The following NRG3 variants were observed in gnomAD, a reference collection of about 807,000 sequenced individuals.
NRG3 encodes pro-neuregulin-3, membrane-bound isoform.
NRG3 carries 31 observed loss-of-function variants against 66.9 expected under a neutral mutation model. The observed-to-expected ratio is 0.46, with a 90% confidence interval of 0.35 to 0.63. The LOEUF (loss-of-function observed/expected upper bound fraction) is 0.63. Ranked by LOEUF, NRG3 falls within the 20% of genes least tolerant of loss-of-function variation. The probability of loss-of-function intolerance (pLI) is 0.00; values close to 1 mark genes in which losing one functional copy is unlikely to be tolerated. For missense variants in NRG3, 910 were observed against 878.9 expected (o/e 1.04, Z -0.45); for synonymous variants, 393 against 359.4 (o/e 1.09, Z -1.06).
Position 82,083,846 on chromosome 10 carries a change from A to C in NRG3, c.823+207683A>C, listed in dbSNP as rs561899549. 1.1e-4 allele frequency among the ~76,000 whole-genome samples: 17 copies of C among 150,588 alleles called. No individual in the cohort carries two copies. The East Asian group carries it at 3.2e-3, about 29-fold the overall frequency. On this transcript the variant is annotated intron_variant, in intron 1 of 8. Coordinates refer to ENST00000372141, the MANE Select transcript of NRG3 (RefSeq NM_001010848.4). ...TGGTCAGGCTGGTCTCAAACTCCCG[A>C]CCTCAGGTGATCCACCTGCCTTGGC...
chr10:82,778,128 C>T (rs560356543), intron 3 of NRG3, among the ~76,000 whole-genome samples: 8 of 151,996 alleles, frequency 5.3e-5, no homozygotes, highest in Non-Finnish European at 1.2e-4. Context: ...AGGCACTGAG[C>T]GGGTATTGCT....
intron 2 of NRG3, among the ~76,000 whole-genome samples, chr10:82,467,445 A>T (rs1282480550): frequency 6.6e-6 from 1 of 152,166 alleles, no homozygotes; most frequent in East Asian, 1.9e-4. Context: ...TAAAAATGGG[A>T]TATGTTTTCC....
intron 1 of NRG3, among the ~76,000 whole-genome samples, chr10:82,278,007 C>T (rs1288783632): frequency 6.6e-6 from 1 of 152,038 alleles, no homozygotes; most frequent in African/African-American, 2.4e-5. Context: ...CTTCAAATAT[C>T]ACCACACACT....
At chr10:82,466,594 G>C (rs1168955300) in intron 2 of NRG3, among the ~76,000 whole-genome samples, 1 of 152,154 alleles carries the variant, frequency 6.6e-6, no homozygotes, top group African/African-American at 2.4e-5. Context: ...TGGTAAATAA[G>C]CAGGATGCTG....
At chr10:82,129,528 G>A (rs1022269547) in intron 1 of NRG3, among the ~76,000 whole-genome samples, 2 of 152,026 alleles carry the variant, frequency 1.3e-5, no homozygotes, top group Non-Finnish European at 1.5e-5. Flanking sequence ...ATCACCTAAA[G>A]CATTTATTAT....
intron 2 of NRG3, among the ~76,000 whole-genome samples, chr10:82,514,387 T>A (rs1845464701): frequency 6.6e-6 from 1 of 152,184 alleles, no homozygotes; most frequent in South Asian, 2.1e-4. Flanking sequence ...GATGTCCAGT[T>A]TCAATTTTCT....
intron 2 of NRG3, among the ~76,000 whole-genome samples, chr10:82,703,062 C>CTG (rs1450729653): frequency 6.6e-6 from 1 of 151,082 alleles, no homozygotes; most frequent in Non-Finnish European, 1.5e-5. Flanking sequence ...GTCTTTCTCT[C>CTG]TCTCTCTCGC....
At chr10:81,912,208 T>C (rs1310887760) in intron 1 of NRG3, among the ~76,000 whole-genome samples, 1 of 152,200 alleles carries the variant, frequency 6.6e-6, no homozygotes, top group Non-Finnish European at 1.5e-5. Context: ...AGTATGTTTT[T>C]TCATATAGGT....
rs1225761726 is a variant in NRG3, at chr10:82,109,563, GTGTGTGTGTGTGTGTA to G, written c.823+233402_823+233417del. On this transcript the variant is annotated intron_variant, in intron 1 of 8. Coordinates refer to ENST00000372141, the MANE Select transcript of NRG3 (RefSeq NM_001010848.4). ...TGTGTGTGTGTGTGTGTGTGTGTGT[GTGTGTGTGTGTGTGTA>G]TATATATATTTTCAGATCAAATTGA... is the stretch of plus-strand genomic sequence containing the variant. 5.9e-3 allele frequency among the ~76,000 whole-genome samples: 794 copies of G among 135,230 alleles called. 11 individuals are homozygous for G. Among genetic ancestry groups the G allele is most frequent in the African/African-American group, 0.021 (726 of 34,024 alleles). 88.7% of individuals were successfully genotyped at this position (135,230 alleles called of 152,430 possible).
intron 3 of NRG3, among the ~76,000 whole-genome samples, chr10:82,839,716 G>A (rs1286680836): frequency 6.6e-6 from 1 of 151,678 alleles, no homozygotes; most frequent in Non-Finnish European, 1.5e-5. Flanking sequence ...ATGTAACGAT[G>A]TATGTACACA....
intron 2 of NRG3, among the ~76,000 whole-genome samples, chr10:82,391,285 A>G (rs1176988308): frequency 1.3e-5 from 2 of 152,170 alleles, no homozygotes; most frequent in African/African-American, 2.4e-5. Flanking sequence ...GGAATATGCT[A>G]CTTTTCATAC....
chr10:82,927,218 CTCTT>C (rs1246106647), intron 4 of NRG3, among the ~76,000 whole-genome samples: 1 of 152,138 alleles, frequency 6.6e-6, no homozygotes, highest in Non-Finnish European at 1.5e-5. Flanking sequence ...GCCTGACAGT[CTCTT>C]TATTTACCCA....
intron 2 of NRG3, among the ~76,000 whole-genome samples, chr10:82,524,100 C>CT (rs1174259407): frequency 6.6e-6 from 1 of 152,054 alleles, no homozygotes; most frequent in Non-Finnish European, 1.5e-5. Context: ...CAAACACACT[C>CT]TTTTCTCGTA....
Position 82,533,453 on chromosome 10 carries a change from A to ATT in NRG3, c.953+174594_953+174595dup, listed in dbSNP as rs57767750. ...AAATTTATGTTGATAATCCGTTTTG[A>ATT]TTTTTTTTTTGCATATGGTATAAGA... On this transcript the variant is annotated intron_variant, in intron 2 of 8. Coordinates refer to ENST00000372141, the MANE Select transcript of NRG3 (RefSeq NM_001010848.4). 1.7e-3 allele frequency among the ~76,000 whole-genome samples: 260 copies of ATT among 149,046 alleles called. 2 individuals carry two copies. Among genetic ancestry groups the ATT allele is most frequent in the African/African-American group, 3.3e-3 (136 of 40,636 alleles).
intron 1 of NRG3, among the ~76,000 whole-genome samples, chr10:82,016,240 C>T (rs2061781097): frequency 6.6e-6 from 1 of 151,878 alleles, no homozygotes; most frequent in Non-Finnish European, 1.5e-5. Flanking sequence ...TTAATGGAAG[C>T]CCATAGAATG....
intron 7 of NRG3, among the ~76,000 whole-genome samples, chr10:82,975,964 G>A (rs952263971): frequency 3.9e-5 from 6 of 152,152 alleles, no homozygotes; most frequent in Admixed American, 6.5e-5. Flanking sequence ...TGTTTAGTTC[G>A]AAAAAATCCC....
At chr10:82,727,771 G>A (rs931021515) in intron 2 of NRG3, among the ~76,000 whole-genome samples, 1 of 152,096 alleles carries the variant, frequency 6.6e-6, no homozygotes, top group African/African-American at 2.4e-5. Context: ...TGCTTGCACT[G>A]TGCACCTGAA....
intron 2 of NRG3, among the ~76,000 whole-genome samples, chr10:82,543,268 G>A (rs112631279): frequency 9.9e-5 from 15 of 151,998 alleles, no homozygotes; most frequent in African/African-American, 3.6e-4. Context: ...TTACATAATA[G>A]TAATATATTC....
chr10:82,112,052 G>A (rs2067419871), intron 1 of NRG3, among the ~76,000 whole-genome samples: 1 of 151,876 alleles, frequency 6.6e-6, no homozygotes, highest in African/African-American at 2.4e-5. Context: ...AGACTATCCT[G>A]GGCAATATAA....
Sources: allele counts gnomAD v4.1 joint callset (sites outside exome capture counted in the v4.1 genomes callset), GRCh38; gene constraint gnomAD v4.1.1; transcripts MANE v1.5; gene names NCBI Gene and HGNC (gene_info 2026-07-23, HGNC 2026-07-21).